Variants in ABCG2 observed in about 807,000 individuals in gnomAD.
ABCG2 encodes ATP binding cassette subfamily G member 2 (JR blood group), also known as broad substrate specificity ATP-binding cassette transporter ABCG2.
ABCG2 carries 80 observed loss-of-function variants against 73.5 expected under a neutral mutation model. The observed-to-expected ratio is 1.09, with a 90% CI of 0.91 to 1.31. ABCG2 has a LOEUF of 1.31. Ranked by LOEUF, ABCG2 falls within the 50% of genes most tolerant of loss-of-function variation. The probability of loss-of-function intolerance (pLI) is 0.00; values close to 1 mark genes in which losing one functional copy is unlikely to be tolerated. For synonymous variants in ABCG2, 269 were observed against 282.4 expected (o/e 0.95, Z 0.48); for missense variants, 796 against 786.2 (o/e 1.01, Z -0.15).
intron 1 of ABCG2, among the ~76,000 whole-genome samples, chr4:88,174,880 T>C (rs1727894433): frequency 6.6e-6 from 1 of 152,242 alleles, no homozygotes; most frequent in Non-Finnish European, 1.5e-5. Context: ...TTTAAGTCTT[T>C]AATCTATCTT....
At chr4:88,175,427 T>A (rs1227963311) in intron 1 of ABCG2, among the ~76,000 whole-genome samples, 3 of 151,400 alleles carry the variant, frequency 2.0e-5, no homozygotes, top group Non-Finnish European at 4.4e-5. Flanking sequence ...AATTCCTTCT[T>A]AATTTATTAG....
rs567730555 is a variant in ABCG2, at chr4:88,139,133, T to A, written c.203+660A>T. Reference sequence around the variant, plus strand: ...TCCAGCCTGGGTGATAGAGCGAGACTCCCTCTCAAAAAAAAAAAAAAAAGT... The same window carrying A: ...TCCAGCCTGGGTGATAGAGCGAGACACCCTCTCAAAAAAAAAAAAAAAAGT... On this transcript the variant is annotated intron_variant, in intron 2 of 15. Transcript: ENST00000237612. 2.2e-5 allele frequency among the ~76,000 whole-genome samples: 3 copies of A among 137,786 alleles called. No individual in the cohort carries two copies. In the South Asian group the frequency reaches 7.0e-4, roughly 32 times the overall value. The allele number at this position is 137,786 out of a possible 152,430, so 90.4% of individuals were successfully genotyped here.
chr4:88,179,138 T>G (rs6532052), intron 1 of ABCG2, among the ~76,000 whole-genome samples: 151,030 of 152,274 alleles, frequency 0.99, 74,911 homozygotes, highest in South Asian at 1. Flanking sequence ...AGTCCCTGTG[T>G]TGGTGGCCAC....
intron 3 of ABCG2, 149 bp downstream of exon 3, chr4:88,132,427 G>C: frequency 1.3e-6 from 1 of 742,588 alleles, no homozygotes; most frequent in Non-Finnish European, 2.2e-6. Flanking sequence ...AAAAAACCAC[G>C]CAACTACAGT....
At chr4:88,160,357 C>G (rs1262974105), upstream of ABCG2, among the ~76,000 whole-genome samples, 1 of 151,848 alleles carries the variant, frequency 6.6e-6, no homozygotes, top group African/African-American at 2.4e-5. Context: ...TTAGCTCACC[C>G]AGATAAGTGA....
chr4:88,201,232 A>T (rs1729153872), intron 1 of ABCG2, among the ~76,000 whole-genome samples: 1 of 146,928 alleles, frequency 6.8e-6, no homozygotes, highest in Non-Finnish European at 1.5e-5. Context: ...AAAAAGAGAG[A>T]GGACATAATC....
At chr4:88,207,884 AGG>A (rs1468494165) in intron 1 of ABCG2, among the ~76,000 whole-genome samples, 1 of 152,184 alleles carries the variant, frequency 6.6e-6, no homozygotes, top group African/African-American at 2.4e-5. Flanking sequence ...GGCACAATGA[AGG>A]ATATTTTTGT....
At chr4:88,099,852 A>G (rs1241806695) in intron 11 of ABCG2, among the ~76,000 whole-genome samples, 1 of 152,000 alleles carries the variant, frequency 6.6e-6, no homozygotes, top group South Asian at 2.1e-4. Flanking sequence ...CTTTTTCCCT[A>G]TTTCTGATGA....
In ABCG2 at chr4:88,225,267, G is replaced by A. The variant is rs113234686; in HGVS notation, c.-20+5727C>T. Among the ~76,000 whole-genome samples the A allele has an allele frequency of 2.0e-5, 3 of 152,224 alleles. No homozygotes were observed. The South Asian group carries it at 6.2e-4, about 32-fold the overall frequency. On this transcript the variant is annotated intron_variant, in intron 1 of 15. Coordinates refer to the ABCG2 transcript ENST00000515655. ...CCGTTATAGCACTAAAGCAGTTGTC[G>A]ACAATGCATAAACAAGAGGGTATGG...
In ABCG2 at chr4:88,097,588, A is replaced by G. The variant is rs764126329; in HGVS notation, c.1512T>C (p.Asp504=). ...YFMLGLKPKA[D]AFFVMMFTLM... is the part of the protein sequence containing the mutation. ...GGGTAAACATCATAACGAAGAAGGC[A>G]TCTGCCTTTGGCTTCAATCCTTAGT... is the stretch of plus-strand genomic sequence containing the variant. Residue 504 remains aspartate (D), a synonymous_variant, in exon 13 of 16, where the codon GAT becomes GAC. Coordinates refer to ENST00000237612, the MANE Select transcript of ABCG2 (RefSeq NM_004827.3). The G allele has an allele frequency of 2.7e-5, 43 of 1,614,004 alleles. No individual in the cohort carries two copies. The highest frequency in any genetic ancestry group is 7.7e-5 in the South Asian group (7 of 91,052).
chr4:88,157,024 C>T (rs1434074046), intron 1 of ABCG2, among the ~76,000 whole-genome samples: 3 of 152,124 alleles, frequency 2.0e-5, no homozygotes, highest in East Asian at 1.9e-4. Flanking sequence ...ATCGCTAGAA[C>T]CTGGGAGGCA....
intron 1 of ABCG2, among the ~76,000 whole-genome samples, chr4:88,228,910 TCTAG>T (rs1359122741): frequency 2.0e-5 from 3 of 151,184 alleles, no homozygotes; most frequent in Non-Finnish European, 3.0e-5. Flanking sequence ...CAGCACTCTG[TCTAG>T]CTAAAGGATT....
intron 9 of ABCG2, among the ~76,000 whole-genome samples, chr4:88,110,824 AAT>A (rs1460998290): frequency 4.5e-4 from 63 of 139,478 alleles, no homozygotes; most frequent in African/African-American, 6.1e-4. Context: ...AAAAAAAAAA[AAT>A]ATATATTGCC....
chr4:88,217,156 A>T (rs1182761103), intron 1 of ABCG2, among the ~76,000 whole-genome samples: 1 of 152,116 alleles, frequency 6.6e-6, no homozygotes, highest in Non-Finnish European at 1.5e-5. Flanking sequence ...ATCGTCCATG[A>T]TCATGGGCAT....
intron 1 of ABCG2, among the ~76,000 whole-genome samples, chr4:88,166,309 G>C (rs531127435): frequency 1.3e-5 from 2 of 152,022 alleles, no homozygotes; most frequent in Non-Finnish European, 2.9e-5. Flanking sequence ...ACAAATTGTC[G>C]TACCATCATT....
intron 1 of ABCG2, among the ~76,000 whole-genome samples, chr4:88,225,248 T>C (rs982634816): frequency 7.2e-5 from 11 of 152,220 alleles, no homozygotes; most frequent in African/African-American, 2.7e-4. Context: ...TCTGCCGTTA[T>C]AGCACTAAAG....
At chr4:88,109,187 A>C (rs1722959922) in intron 9 of ABCG2, among the ~76,000 whole-genome samples, 1 of 151,798 alleles carries the variant, frequency 6.6e-6, no homozygotes, top group African/African-American at 2.4e-5. Flanking sequence ...TTTAGTAGAC[A>C]CAGGGTTTCA....
chr4:88,115,101 G>T, intron 7 of ABCG2, 43 bp from the exon 8 acceptor site: 1 of 1,376,330 alleles, frequency 7.3e-7, no homozygotes, highest in Non-Finnish European at 1.0e-6. Context: ...TGATGGTCTT[G>T]GAAAACAAAG....
chr4:88,221,467 A>G (rs1387205342), intron 1 of ABCG2, among the ~76,000 whole-genome samples: 8 of 152,236 alleles, frequency 5.3e-5, no homozygotes, highest in Non-Finnish European at 1.2e-4. Flanking sequence ...AGAAGAAGAC[A>G]GGAAAATGTG....
Sources: allele counts gnomAD v4.1 joint callset (sites outside exome capture counted in the v4.1 genomes callset), GRCh38; gene constraint gnomAD v4.1.1; transcripts MANE v1.5; gene names NCBI Gene and HGNC (gene_info 2026-07-23, HGNC 2026-07-21).